Variants in CAB39 observed in about 807,000 individuals in gnomAD.
CAB39 encodes calcium-binding protein 39.
A neutral mutation model predicts 40.0 loss-of-function variants in CAB39; 8 were observed. The observed-to-expected ratio is 0.20, with a 90% CI of 0.12 to 0.36. The LOEUF (loss-of-function observed/expected upper bound fraction) is 0.36. Ranked by LOEUF, CAB39 falls within the 10% of genes least tolerant of loss-of-function variation. CAB39 has a pLI of 1.00. For synonymous variants in CAB39, 156 were observed against 141.6 expected (o/e 1.10, Z -0.72); for missense variants, 270 against 401.1 (o/e 0.67, Z 2.79).
intron 1 of CAB39, among the ~76,000 whole-genome samples, chr2:230,754,492 TTCCTCC>T (rs1188497410): frequency 7.2e-6 from 1 of 138,708 alleles, no homozygotes; most frequent in South Asian, 2.5e-4. Context: ...TCCGCTCCTC[TTCCTCC>T]TCCTCCTCAT....
chr2:230,815,834 C>A (rs535940340), intron 7 of CAB39, among the ~76,000 whole-genome samples: 2 of 152,186 alleles, frequency 1.3e-5, no homozygotes, highest in Non-Finnish European at 2.9e-5. Flanking sequence ...ACACATGGAG[C>A]GGCTTCAGCA....
At position 230,810,278 on chromosome 2, in the gene CAB39, C is replaced by A; in HGVS notation, c.583C>A (p.His195Asn). The change falls in exon 6 of 9, where the codon CAT (histidine) becomes AAT (asparagine). Residue 195 changes from histidine to asparagine, a missense_variant. Physicochemically the swap from His to Asn is moderately conservative, Grantham distance 68 (BLOSUM62 1). Transcript: ENST00000258418. ...FATFKDLLTR[H>N]KLLSAEFLEQ... ...CTTTTTGTAGGATTTACTTACAAGACATAAATTGCTCAGTGCAGAATTTTT... is the reference window on the plus strand; with the variant it reads ...CTTTTTGTAGGATTTACTTACAAGAAATAAATTGCTCAGTGCAGAATTTTT... The A allele has an allele frequency of 6.9e-7, 1 of 1,445,724 alleles. No individual in the cohort carries two copies. Among genetic ancestry groups the A allele is most frequent in the South Asian group, 1.3e-5 (1 of 77,544 alleles). The allele number at this position is 1,445,724 out of a possible 1,614,324, so 89.6% of individuals were successfully genotyped here.
At chr2:230,754,983 C>G (rs1695164803) in intron 1 of CAB39, among the ~76,000 whole-genome samples, 1 of 152,186 alleles carries the variant, frequency 6.6e-6, no homozygotes, top group Admixed American at 6.5e-5. Flanking sequence ...ATAATAGTCT[C>G]CAGTCTCATA....
intron 5 of CAB39, among the ~76,000 whole-genome samples, chr2:230,803,104 C>T (rs570405400): frequency 1.3e-4 from 20 of 152,240 alleles, no homozygotes; most frequent in South Asian, 6.2e-4. Flanking sequence ...GTTCAACATA[C>T]GAAAATCAAT....
chr2:230,760,585 G>A (rs1166420851), intron 2 of CAB39, among the ~76,000 whole-genome samples: 1 of 152,182 alleles, frequency 6.6e-6, no homozygotes, highest in African/African-American at 2.4e-5. Context: ...AGGCCAAGCA[G>A]GCAACTTGAG....
At chr2:230,811,129 A>G (rs558562688) in intron 6 of CAB39, among the ~76,000 whole-genome samples, 4 of 152,344 alleles carry the variant, frequency 2.6e-5, no homozygotes, top group South Asian at 4.1e-4. Context: ...AAGAATGACA[A>G]TCCACTTAAA....
chr2:230,791,886 C>T (rs112487489), intron 3 of CAB39, among the ~76,000 whole-genome samples: 2,082 of 152,240 alleles, frequency 0.014, 48 homozygotes, highest in African/African-American at 0.046. Context: ...GCTAATGAAG[C>T]GCTGTGGCAT....
intron 2 of CAB39, among the ~76,000 whole-genome samples, chr2:230,786,421 C>A (rs994245017): frequency 1.3e-5 from 2 of 152,070 alleles, no homozygotes; most frequent in African/African-American, 4.8e-5. Flanking sequence ...GTATAGTTCA[C>A]CCATTTGAAG....
chr2:230,799,369 A>G (rs1272076735), intron 5 of CAB39, among the ~76,000 whole-genome samples: 2 of 152,146 alleles, frequency 1.3e-5, no homozygotes, highest in Non-Finnish European at 2.9e-5. Flanking sequence ...CAGTGGATTC[A>G]CCTCTCCCAT....
intron 1 of CAB39, among the ~76,000 whole-genome samples, chr2:230,750,201 T>C (rs548745656): frequency 1.2e-4 from 18 of 152,358 alleles, no homozygotes; most frequent in Non-Finnish European, 2.4e-4. Context: ...GCCCCTAATG[T>C]GGCAGTGTTG....
chr2:230,771,330 GA>G (rs751836642), intron 2 of CAB39, among the ~76,000 whole-genome samples: 6 of 151,994 alleles, frequency 3.9e-5, no homozygotes, highest in Admixed American at 1.3e-4. Context: ...AAAAGAAAAA[GA>G]AAAAAACTAG....
At chr2:230,815,149 C>G (rs1696378279) in intron 7 of CAB39, among the ~76,000 whole-genome samples, 1 of 152,260 alleles carries the variant, frequency 6.6e-6, no homozygotes, top group Admixed American at 6.5e-5. Flanking sequence ...TCCACATTTT[C>G]AATCAGCACT....
At chr2:230,744,661 A>G (rs1323283344) in intron 1 of CAB39, among the ~76,000 whole-genome samples, 1 of 152,188 alleles carries the variant, frequency 6.6e-6, no homozygotes, top group East Asian at 1.9e-4. Flanking sequence ...TACATGTCCT[A>G]CCTTGTTCCA....
At chr2:230,814,004 T>TTTTTTTTTG (rs1696353274) in intron 6 of CAB39, 45 bp from the exon 7 acceptor site, 2 of 457,916 alleles carry the variant, frequency 4.4e-6, no homozygotes, top group East Asian at 4.2e-5. Flanking sequence ...TTTTTTTTTT[T>TTTTTTTTTG]TTTTTTTTGG....
At chr2:230,782,556 C>T (rs571422047) in intron 2 of CAB39, among the ~76,000 whole-genome samples, 2 of 151,954 alleles carry the variant, frequency 1.3e-5, no homozygotes, top group Non-Finnish European at 2.9e-5. Flanking sequence ...ACTCTTCTTA[C>T]TCCACCCCAC....
At chr2:230,752,422 G>A (rs1226240667) in intron 1 of CAB39, among the ~76,000 whole-genome samples, 16 of 152,126 alleles carry the variant, frequency 1.1e-4, no homozygotes, top group Admixed American at 9.8e-4. Flanking sequence ...CCCAGATCAG[G>A]TGCTGGCATT....
rs568480254 is a variant in CAB39, at chr2:230,808,302, G to A, written c.568-1961G>A. ...GGTTTCACCATGTTAGACTGGTCTC[G>A]AACTCCTGACCTCAGGTGATCCACC... On this transcript the variant is annotated intron_variant, in intron 5 of 8. Transcript: ENST00000258418. 5.9e-5 allele frequency among the ~76,000 whole-genome samples: 9 copies of A among 152,070 alleles called. No homozygotes were observed. The South Asian group carries it at 8.3e-4, about 14-fold the overall frequency.
intron 1 of CAB39, among the ~76,000 whole-genome samples, chr2:230,744,822 A>G (rs1001693725): frequency 2.0e-5 from 3 of 152,242 alleles, no homozygotes; most frequent in South Asian, 2.1e-4. Context: ...GAGGTTTAAC[A>G]TGAAGTTCCT....
intron 2 of CAB39, among the ~76,000 whole-genome samples, chr2:230,769,624 A>G (rs529979138): frequency 2.6e-5 from 4 of 152,336 alleles, no homozygotes; most frequent in East Asian, 3.9e-4. Flanking sequence ...AGAAAATCCC[A>G]AAATATTTAG....
Sources: allele counts gnomAD v4.1 joint callset (sites outside exome capture counted in the v4.1 genomes callset), GRCh38; gene constraint gnomAD v4.1.1; transcripts MANE v1.5; gene names NCBI Gene and HGNC (gene_info 2026-07-23, HGNC 2026-07-21).